Variants in ROBO2 observed in about 807,000 individuals in gnomAD.
ROBO2 encodes the protein roundabout guidance receptor 2.
In ROBO2, 53 loss-of-function variants were observed where a neutral mutation model predicts 160.8. The ratio of observed to expected loss-of-function variants is 0.33; its 90% CI spans 0.26 to 0.41. ROBO2 has a LOEUF of 0.41. ROBO2 is among the 10% of genes least tolerant of loss of function. The pLI is 1.00. For synonymous variants in ROBO2, 664 were observed against 611.7 expected, an observed-to-expected ratio of 1.09 and a Z score of -1.26; for missense variants, 1,577 against 1,722.4, an observed-to-expected ratio of 0.92 and a Z score of 1.49.
intron 2 of ROBO2, among the ~76,000 whole-genome samples, chr3:76,478,604 A>G (rs1324790803): frequency 1.3e-5 from 2 of 151,890 alleles, no homozygotes; most frequent in Non-Finnish European, 2.9e-5. Flanking sequence ...ATAGATCCAG[A>G]TATTAGTTGA....
At chr3:77,214,541 A>G (rs2084658053) in intron 2 of ROBO2, among the ~76,000 whole-genome samples, 1 of 152,214 alleles carries the variant, frequency 6.6e-6, no homozygotes, top group Non-Finnish European at 1.5e-5. Flanking sequence ...CGAATTTGCC[A>G]GTCTGTGCCT....
chr3:77,371,631 A>T (rs937749128), intron 2 of ROBO2, among the ~76,000 whole-genome samples: 2 of 152,262 alleles, frequency 1.3e-5, no homozygotes, highest in Non-Finnish European at 2.9e-5. Context: ...GAAGAAAGTG[A>T]TTCAGAAGTG....
chr3:76,582,827 A>G (rs2085785451), intron 2 of ROBO2, among the ~76,000 whole-genome samples: 1 of 152,170 alleles, frequency 6.6e-6, no homozygotes, highest in African/African-American at 2.4e-5. Context: ...GATAACACAA[A>G]TGTTGACTAG....
chr3:77,376,802 CAT>C (rs1309543333), intron 2 of ROBO2, among the ~76,000 whole-genome samples: 4 of 152,196 alleles, frequency 2.6e-5, no homozygotes, highest in African/African-American at 9.6e-5. Context: ...AGTTCTGAAA[CAT>C]GTGTGACTTT....
At chr3:77,253,167 G>T (rs1225470042) in intron 2 of ROBO2, among the ~76,000 whole-genome samples, 2 of 151,996 alleles carry the variant, frequency 1.3e-5, no homozygotes, top group Non-Finnish European at 2.9e-5. Flanking sequence ...GTAAAAAGTG[G>T]ATTATCTCTG....
chr3:77,078,386 G>T (rs541617627), intron 1 of ROBO2, among the ~76,000 whole-genome samples: 1 of 152,236 alleles, frequency 6.6e-6, no homozygotes, highest in South Asian at 2.1e-4. Context: ...TCTCATAACA[G>T]GGGGTAGGAG....
At chr3:77,107,618 A>G (rs2072988415) in intron 2 of ROBO2, among the ~76,000 whole-genome samples, 1 of 152,228 alleles carries the variant, frequency 6.6e-6, no homozygotes, top group Non-Finnish European at 1.5e-5. Context: ...ATATACAGGA[A>G]GATGTGTAGC....
intron 2 of ROBO2, among the ~76,000 whole-genome samples, chr3:76,167,006 G>A (rs755795956): frequency 2.8e-4 from 43 of 152,138 alleles, no homozygotes; most frequent in Admixed American, 2.5e-3. Flanking sequence ...GTGCAGTGGC[G>A]TGATCTTGGC....
chr3:77,245,795 A>G (rs887265513), intron 2 of ROBO2, among the ~76,000 whole-genome samples: 5 of 152,220 alleles, frequency 3.3e-5, no homozygotes, highest in African/African-American at 1.2e-4. Flanking sequence ...TGGAACCATC[A>G]TATTTTTAGG....
rs2088296722 is a variant in ROBO2 at position 76,613,346 on chromosome 3, A to T, written c.110-484668A>T. ...GTGTGTCTGAATCTCTCTGTCTCTCACTTTTATTTCTCTCTCTCAAGGTTT... is the reference window on the plus strand; with the variant it reads ...GTGTGTCTGAATCTCTCTGTCTCTCTCTTTTATTTCTCTCTCTCAAGGTTT... On this transcript the variant is annotated intron_variant, in intron 2 of 26. Coordinates refer to the ROBO2 transcript ENST00000487694. Among the ~76,000 whole-genome samples the T allele has an allele frequency of 2.0e-5, 3 of 152,004 alleles. 1 individual carries two copies. In the South Asian group the frequency reaches 6.2e-4, roughly 31 times the overall value.
chr3:76,659,591 A>G (rs2091732832), intron 2 of ROBO2, among the ~76,000 whole-genome samples: 1 of 152,062 alleles, frequency 6.6e-6, no homozygotes, highest in African/African-American at 2.4e-5. Flanking sequence ...TGGTGCCCAT[A>G]ATGGCTGACC....
At chr3:76,734,079 C>A (rs545640967) in intron 2 of ROBO2, among the ~76,000 whole-genome samples, 1 of 152,222 alleles carries the variant, frequency 6.6e-6, no homozygotes, top group African/African-American at 2.4e-5. Context: ...ATAAGCTAAC[C>A]AAAGCTCCAT....
At chr3:77,006,305 T>TTGTGTGTGTGTGTGTG (rs60754546) in intron 2 of ROBO2, among the ~76,000 whole-genome samples, 102 of 143,964 alleles carry the variant, frequency 7.1e-4, no homozygotes, top group Non-Finnish European at 1.2e-3. Flanking sequence ...ATTTTAATAT[T>TTGTGTGTGTGTGTGTG]TGTGTGTGTG....
chr3:77,386,603 A>AT lies in ROBO2; in HGVS notation c.389-90794dup, dbSNP rs71104679. Among the ~76,000 whole-genome samples the AT allele has an allele frequency of 1.2e-3, 112 of 91,898 alleles. 8 individuals carry two copies. Among genetic ancestry groups the AT allele is most frequent in the Admixed American group, 1.6e-3 (10 of 6,446 alleles). The allele number at this position is 91,898 out of a possible 152,430, so 60.3% of individuals were successfully genotyped here. A position where few individuals can be genotyped will look rare whatever the true frequency, so the allele number is the denominator to read the frequency against. On this transcript the variant is annotated intron_variant, in intron 2 of 25. Transcript: ENST00000461745. ...AGTTAATTATTTTTTCAGCCAGGTA[A>AT]TTTTTTTTTTTTTTTTTGAAATAGA...
chr3:77,421,820 A>G (rs2077739897), intron 2 of ROBO2, among the ~76,000 whole-genome samples: 1 of 152,178 alleles, frequency 6.6e-6, no homozygotes, highest in African/African-American at 2.4e-5. Flanking sequence ...GGCATGGTAG[A>G]AATTTTATTA....
chr3:76,622,594 C>T (rs1221459675), intron 2 of ROBO2, among the ~76,000 whole-genome samples: 2 of 152,184 alleles, frequency 1.3e-5, no homozygotes, highest in African/African-American at 4.8e-5. Context: ...CAAGATTCTT[C>T]ATTGCCTGGT....
chr3:77,201,855 T>A (rs1271913438), intron 2 of ROBO2, among the ~76,000 whole-genome samples: 1 of 152,196 alleles, frequency 6.6e-6, no homozygotes, highest in African/African-American at 2.4e-5. Flanking sequence ...GAGATATAAC[T>A]GCCAACAACC....
intron 6 of ROBO2, among the ~76,000 whole-genome samples, chr3:77,542,007 T>G (rs1394042634): frequency 1.3e-5 from 2 of 152,046 alleles, no homozygotes; most frequent in African/African-American, 2.4e-5. Context: ...TATAGCACAC[T>G]TTGTGCTATT....
At chr3:77,146,326 A>G (rs534355974) in intron 2 of ROBO2, among the ~76,000 whole-genome samples, 15 of 152,304 alleles carry the variant, frequency 9.8e-5, no homozygotes, top group African/African-American at 2.2e-4. Context: ...GCCGTGGGTC[A>G]TTACTACAGA....
Sources: allele counts gnomAD v4.1 joint callset (sites outside exome capture counted in the v4.1 genomes callset), GRCh38; gene constraint gnomAD v4.1.1; transcripts MANE v1.5; gene names NCBI Gene and HGNC (gene_info 2026-07-23, HGNC 2026-07-21).